NRCAM: variants seen among roughly 807,000 people sequenced by gnomAD.
NRCAM encodes the protein neuronal cell adhesion molecule.
In NRCAM, 83 loss-of-function variants were observed where a neutral mutation model predicts 156.5. The ratio of observed to expected loss-of-function variants is 0.53; its 90% CI spans 0.44 to 0.64. NRCAM has a LOEUF of 0.64. NRCAM is among the 30% of genes least tolerant of loss of function. NRCAM has a pLI of 0.00. For synonymous variants in NRCAM, 538 were observed against 563.9 expected, an observed-to-expected ratio of 0.95 and a Z score of 0.65; for missense variants, 1,417 against 1,597.3, an observed-to-expected ratio of 0.89 and a Z score of 1.92.
chr7:108,340,560 A>AAG (rs1365801072), intron 2 of NRCAM, among the ~76,000 whole-genome samples: 1 of 152,178 alleles, frequency 6.6e-6, no homozygotes, highest in Non-Finnish European at 1.5e-5. Flanking sequence ...AAAGAGAACG[A>AAG]TTGCCCACAG....
At chr7:108,426,992 C>T (rs958995702) in intron 1 of NRCAM, among the ~76,000 whole-genome samples, 1 of 152,158 alleles carries the variant, frequency 6.6e-6, no homozygotes, top group Non-Finnish European at 1.5e-5. Flanking sequence ...ACAATTTGAT[C>T]CACTTTATTC....
At chr7:108,287,589 T>A (rs1434680538) in intron 3 of NRCAM, among the ~76,000 whole-genome samples, 1 of 151,978 alleles carries the variant, frequency 6.6e-6, no homozygotes, top group Non-Finnish European at 1.5e-5. Context: ...ATGCTCAACA[T>A]CACTAATCAT....
chr7:108,258,797 G>A (rs1261495724), intron 3 of NRCAM, among the ~76,000 whole-genome samples: 2 of 152,132 alleles, frequency 1.3e-5, no homozygotes, highest in Non-Finnish European at 2.9e-5. Flanking sequence ...GCACTCTGAT[G>A]TCCATGTTCA....
intron 3 of NRCAM, among the ~76,000 whole-genome samples, chr7:108,261,619 T>C (rs761940069): frequency 2.0e-5 from 3 of 152,208 alleles, no homozygotes; most frequent in Non-Finnish European, 4.4e-5. Flanking sequence ...AGTTGTTGTA[T>C]TGGACCCCTC....
intron 3 of NRCAM, among the ~76,000 whole-genome samples, chr7:108,263,457 A>G (rs1290912887): frequency 2.0e-5 from 3 of 152,232 alleles, no homozygotes. Context: ...CATAAGAGCC[A>G]ATTGCAGTGT....
At chr7:108,234,878 G>C in intron 5 of NRCAM, 190 bp from the exon 6 acceptor site, 1 of 741,916 alleles carries the variant, frequency 1.3e-6, no homozygotes, top group South Asian at 1.4e-5. Context: ...GTGAAGTCAA[G>C]GTTTAACTTT....
intron 11 of NRCAM, among the ~76,000 whole-genome samples, chr7:108,211,798 C>T (rs1369212277): frequency 2.6e-5 from 4 of 152,136 alleles, no homozygotes; most frequent in Non-Finnish European, 5.9e-5. Flanking sequence ...CTACCCCCAC[C>T]TGAGGGGCCT....
At chr7:108,180,120 T>G (rs898797703) in intron 25 of NRCAM, 103 bp downstream of exon 25, 2 of 923,880 alleles carry the variant, frequency 2.2e-6, no homozygotes, top group African/African-American at 3.3e-5. Context: ...TCAATCACAT[T>G]TGGCTTCCAG....
At chr7:108,176,758 C>G (rs911262703) in intron 26 of NRCAM, 152 bp from the exon 27 acceptor site, 1 of 604,642 alleles carries the variant, frequency 1.7e-6, no homozygotes, top group Non-Finnish European at 2.9e-6. Context: ...TAAGTGATAA[C>G]CTTTTAACAG....
intron 2 of NRCAM, among the ~76,000 whole-genome samples, chr7:108,342,758 C>T (rs985610873): frequency 5.3e-5 from 8 of 152,156 alleles, no homozygotes; most frequent in Non-Finnish European, 8.8e-5. Flanking sequence ...CAGGTAGTGG[C>T]GGCAGTAGCA....
Position 108,232,474 on chromosome 7 carries a change from A to G in NRCAM, c.279T>C (p.Pro93=). ...CTGTGCCAGGCTTCATGGTGACCAG[A>G]GGGTCTTTATCGATGTCAAAATGAG... The part of the protein sequence containing the change: ...NGTHFDIDKD[P]LVTMKPGTGT... The change falls in exon 7 of 33, where the codon CCT becomes CCC. Residue 93 remains proline, a synonymous_variant. Coordinates refer to ENST00000379028, the MANE Select transcript of NRCAM (RefSeq NM_001037132.4). 1.2e-6 allele frequency: 2 copies of G among 1,613,464 alleles called. No individual in the cohort carries two copies. The highest frequency in any genetic ancestry group is 1.7e-6 in the Non-Finnish European group (2 of 1,179,684).
At chr7:108,299,106 A>AAAAAAAAAAAAAAAAAAAAAG (rs1563163041) in intron 3 of NRCAM, among the ~76,000 whole-genome samples, 1 of 9,210 alleles carries the variant, frequency 1.1e-4, no homozygotes, top group African/African-American at 2.2e-4. Context: ...ACTCCATCTC[A>AAAAAAAAAAAAAAAAAAAAAG]AAAAAAAAAA....
intron 22 of NRCAM, 112 bp downstream of exon 22, chr7:108,184,129 T>TATATA (rs1491171489): frequency 2.0e-6 from 1 of 493,910 alleles, no homozygotes; most frequent in Admixed American, 4.1e-5. Context: ...TATATATATA[T>TATATA]TTTTTTTCCC....
At chr7:108,362,018 C>T (rs960482107) in intron 2 of NRCAM, among the ~76,000 whole-genome samples, 2 of 152,140 alleles carry the variant, frequency 1.3e-5, no homozygotes, top group African/African-American at 4.8e-5. Flanking sequence ...ATGTTTATAG[C>T]AGCTTTACTC....
intron 14 of NRCAM, 30 bp downstream of exon 14, chr7:108,197,926 T>C: frequency 6.6e-7 from 1 of 1,513,692 alleles, no homozygotes; most frequent in Non-Finnish European, 8.8e-7. Flanking sequence ...TAATTTAATT[T>C]GCCATGTCTT....
At chr7:108,238,916 A>G (rs2095337299) in intron 4 of NRCAM, among the ~76,000 whole-genome samples, 2 of 151,944 alleles carry the variant, frequency 1.3e-5, no homozygotes, top group African/African-American at 4.8e-5. Context: ...TGCAACCTCT[A>G]TGGTAATAAT....
intron 2 of NRCAM, among the ~76,000 whole-genome samples, chr7:108,346,549 T>C (rs1474444021): frequency 6.6e-6 from 1 of 152,220 alleles, no homozygotes; most frequent in Non-Finnish European, 1.5e-5. Flanking sequence ...TACAGGTTTA[T>C]TTTGAGACTT....
At chr7:108,165,751 T>G (rs1248837268) in intron 30 of NRCAM, among the ~76,000 whole-genome samples, 1 of 152,244 alleles carries the variant, frequency 6.6e-6, no homozygotes, top group African/African-American at 2.4e-5. Context: ...AAACCACTTA[T>G]GATTTATATT....
At chr7:108,277,457 C>T (rs1591402879) in intron 3 of NRCAM, among the ~76,000 whole-genome samples, 1 of 151,976 alleles carries the variant, frequency 6.6e-6, no homozygotes, top group Admixed American at 6.5e-5. Context: ...TTTCTCTAAT[C>T]TTGTCTTCTC....
Sources: gnomAD v4.1 joint callset for allele counts (sites outside exome capture counted in the v4.1 genomes callset) on GRCh38, gnomAD v4.1.1 for gene constraint, MANE v1.5 for transcripts, NCBI Gene and HGNC (gene_info 2026-07-23, HGNC 2026-07-21) for gene names.